PIEZO2: variants seen among roughly 807,000 people sequenced by gnomAD.
PIEZO2 encodes the protein piezo-type mechanosensitive ion channel component 2.
A neutral mutation model predicts 337.3 loss-of-function variants in PIEZO2; 172 were observed. The observed-to-expected ratio is 0.51, with a 90% CI of 0.45 to 0.58. The LOEUF is 0.58. Among genes scored for constraint, PIEZO2 ranks in the 20% least tolerant of loss-of-function variants. The pLI, the probability that PIEZO2 is intolerant of heterozygous loss-of-function variation, is 0.00. For missense variants in PIEZO2, 3,028 were observed against 3,391.3 expected (o/e 0.89, Z 2.66); for synonymous variants, 1,251 against 1,228.5 (o/e 1.02, Z -0.38).
chr18:11,097,115 G>C lies in PIEZO2; in HGVS notation c.65-30893C>G, dbSNP rs2039283160. ...CATCCTCTCCTTGGAAATTGTCCCT[G>C]CTCCATTTTCGGCAAACAGGTGTCT... On this transcript the variant is annotated intron_variant, in intron 1 of 55. Coordinates refer to ENST00000674853, the MANE Select transcript of PIEZO2 (RefSeq NM_001378183.1). This position sits in a 1 kb window ranked among gnomAD's most constrained non-coding sequence, Gnocchi z 5.0. 6.6e-6 allele frequency among the ~76,000 whole-genome samples: 1 copy of C among 152,100 alleles called. No individual in the cohort carries two copies. Among genetic ancestry groups the C allele is most frequent in the Non-Finnish European group, 1.5e-5 (1 of 68,026 alleles).
At chr18:11,100,924 A>T (rs1214353003) in intron 1 of PIEZO2, among the ~76,000 whole-genome samples, 1 of 152,134 alleles carries the variant, frequency 6.6e-6, no homozygotes, top group African/African-American at 2.4e-5. Flanking sequence ...TGCTTCAACA[A>T]ATGCCTTTCA....
Position 10,856,550 on chromosome 18 carries a change from C to A in PIEZO2, c.703+451G>T, listed in dbSNP as rs2041710225. Among the ~76,000 whole-genome samples the A allele has an allele frequency of 6.6e-6, 1 of 152,152 alleles. No individual in the cohort carries two copies. Among genetic ancestry groups the A allele is most frequent in the African/African-American group, 2.4e-5 (1 of 41,414 alleles). On this transcript the variant is annotated intron_variant, in intron 6 of 55. Transcript: ENST00000674853. This position sits in a 1 kb window ranked among gnomAD's most constrained non-coding sequence, Gnocchi z 4.7. ...AGCGTCTGTGCTGGAAGATTACAAT[C>A]TAACTTAGGAAGAAAAATAGTCTAT...
chr18:10,801,338 G>A, intron 10 of PIEZO2, 52 bp downstream of exon 10: 1 of 1,393,010 alleles, frequency 7.2e-7, no homozygotes, highest in African/African-American at 1.4e-5. Context: ...TCCATTTGTT[G>A]CCTTTACATC....
At position 10,697,769 on chromosome 18, in the gene PIEZO2, G is replaced by C; in HGVS notation, c.6806C>G (p.Ala2269Gly). ...TCACTTCTTTATGGTAAAGGCTTTT[G>C]CTTTGATTAAATGTTCTTGAAGCTT... is the stretch of plus-strand genomic sequence containing the variant. ...MEKLQEHLIK[A>G]KAFTIKKTLE... The change falls in exon 45 of 56, where the codon GCA becomes GGA. Residue 2269 changes from alanine (A) to glycine (G), a missense_variant. Ala to Gly is a moderately conservative substitution (Grantham distance 60, BLOSUM62 0). Coordinates refer to ENST00000674853, the MANE Select transcript of PIEZO2 (RefSeq NM_001378183.1). The C allele has an allele frequency of 6.2e-7, 1 of 1,614,122 alleles. No homozygotes were observed. Among genetic ancestry groups the C allele is most frequent in the Non-Finnish European group, 8.5e-7 (1 of 1,180,026 alleles).
At position 11,106,110 on chromosome 18, in the gene PIEZO2, C is replaced by T. The variant is rs183758538; in HGVS notation, c.65-39888G>A. 8.2e-3 allele frequency among the ~76,000 whole-genome samples: 1,250 copies of T among 151,994 alleles called. 18 individuals carry two copies. The highest frequency in any genetic ancestry group is 0.028 in the African/African-American group (1,159 of 41,464). On this transcript the variant is annotated intron_variant, in intron 1 of 55. Coordinates refer to ENST00000674853, the MANE Select transcript of PIEZO2 (RefSeq NM_001378183.1). ...TTTATTTTATTTTATTTTTTTGAGACGGCATCTGGCTCTGTCGCCCAGGCT... is the reference window on the plus strand; with the variant it reads ...TTTATTTTATTTTATTTTTTTGAGATGGCATCTGGCTCTGTCGCCCAGGCT...
chr18:10,915,104 G>T (rs1428212013), intron 3 of PIEZO2, among the ~76,000 whole-genome samples: 2 of 138,056 alleles, frequency 1.4e-5, no homozygotes, highest in Non-Finnish European at 3.1e-5. Flanking sequence ...GCTACATGGG[G>T]TCAAGATGGA....
chr18:10,799,688 C>T (rs2039736341), intron 11 of PIEZO2, among the ~76,000 whole-genome samples: 1 of 152,130 alleles, frequency 6.6e-6, no homozygotes, highest in South Asian at 2.1e-4. Flanking sequence ...TTAAAAAACA[C>T]TCAGCCGGGT....
rs1438691842 is a variant in PIEZO2, at chr18:10,707,411, T to G, written c.5588+864A>C. On this transcript the variant is annotated intron_variant, in intron 40 of 55. Transcript: ENST00000674853. The surrounding 1 kb of genome is among the most constrained non-coding windows in gnomAD (Gnocchi z 4.2). ...CCAAGGCATTCCCATCAATGCCAGG[T>G]GTCAGCATACTGCAGGGATGCACCG... Among the ~76,000 whole-genome samples, 1 of 152,046 alleles carries G rather than the reference T, an allele frequency of 6.6e-6. No individual in the cohort carries two copies. Among genetic ancestry groups the G allele is most frequent in the Non-Finnish European group, 1.5e-5 (1 of 67,996 alleles).
chr18:10,725,232 A>T, intron 36 of PIEZO2: 1 of 1,568,946 alleles, frequency 6.4e-7, no homozygotes, highest in Non-Finnish European at 8.8e-7. Flanking sequence ...GAACCTACGA[A>T]CACTTTGAGG....
chr18:10,717,395 C>T (rs2036053565), intron 37 of PIEZO2, among the ~76,000 whole-genome samples: 1 of 152,084 alleles, frequency 6.6e-6, no homozygotes, highest in Non-Finnish European at 1.5e-5. Flanking sequence ...CCTTTCGTGC[C>T]AGCAGAGGGG....
intron 7 of PIEZO2, among the ~76,000 whole-genome samples, chr18:10,831,080 T>A (rs879444560): frequency 2.0e-5 from 3 of 152,178 alleles, no homozygotes; most frequent in Non-Finnish European, 4.4e-5. Context: ...CTGGTGGGAA[T>A]GTCAATTAGC....
chr18:11,081,867 C>T (rs528340506), intron 1 of PIEZO2, among the ~76,000 whole-genome samples: 1 of 151,016 alleles, frequency 6.6e-6, no homozygotes, highest in Non-Finnish European at 1.5e-5. Flanking sequence ...TTAAGCGATT[C>T]TCCTGTCTCA....
intron 49 of PIEZO2, among the ~76,000 whole-genome samples, chr18:10,685,765 C>T (rs1377405530): frequency 2.0e-5 from 3 of 152,242 alleles, no homozygotes; most frequent in Admixed American, 6.5e-5. Context: ...CGGCGTCTCA[C>T]TGTCAGTTTC....
rs887409551 is a variant in PIEZO2, at chr18:10,761,015, A to C, written c.3346T>G (p.Ser1116Ala). ...RGRNNLTAPVSRTIFHDITRL... is the reference protein window; with the variant it reads ...RGRNNLTAPVARTIFHDITRL... ...GTAATGTCATGAAAGATAGTTCTAG[A>C]CACAGGGGCCGTCAGGTTATTTCGA... Residue 1116 changes from serine (S) to alanine (A), a missense_variant, in exon 24 of 56, where the codon TCT (serine) becomes GCT (alanine). Ser to Ala is a moderately conservative substitution (Grantham distance 99, BLOSUM62 1). This residue lies in a region of PIEZO2 where 1,925 missense variants were observed against 2,051.9 expected (regional missense o/e 0.94). Coordinates refer to ENST00000674853, the MANE Select transcript of PIEZO2 (RefSeq NM_001378183.1). 1.3e-6 allele frequency: 2 copies of C among 1,536,380 alleles called. No homozygotes were observed. The highest frequency in any genetic ancestry group is 2.7e-5 in the African/African-American group (2 of 73,054).
chr18:11,077,861 T>C lies in PIEZO2; in HGVS notation c.65-11639A>G, dbSNP rs1360103300. ...TGTGTTACAAAGTAGAGCATAAGTG[T>C]CATTTTTCATTTTCACAAACAAGAG... On this transcript the variant is annotated intron_variant, in intron 1 of 55. Transcript: ENST00000674853. The surrounding 1 kb of genome is among the most constrained non-coding windows in gnomAD (Gnocchi z 4.8). Among the ~76,000 whole-genome samples, 2 of 152,162 alleles carry C rather than the reference T, an allele frequency of 1.3e-5. No individual in the cohort carries two copies. Among genetic ancestry groups the C allele is most frequent in the Non-Finnish European group, 2.9e-5 (2 of 68,042 alleles).
chr18:10,684,867 T>C (rs758160549), intron 49 of PIEZO2, among the ~76,000 whole-genome samples: 14 of 152,162 alleles, frequency 9.2e-5, no homozygotes, highest in Non-Finnish European at 1.0e-4. Context: ...TTTGAGATAG[T>C]GTCTTGCTCT....
chr18:11,015,303 C>T (rs1339861369), intron 2 of PIEZO2, among the ~76,000 whole-genome samples: 1 of 147,132 alleles, frequency 6.8e-6, no homozygotes, highest in African/African-American at 2.5e-5. Flanking sequence ...GGCACTTCAC[C>T]CAGATCCGGG....
intron 1 of PIEZO2, among the ~76,000 whole-genome samples, chr18:11,089,766 G>A (rs2039016432): frequency 6.6e-6 from 1 of 152,160 alleles, no homozygotes; most frequent in African/African-American, 2.4e-5. Flanking sequence ...AAAAGGAGAC[G>A]CCACATCTGC....
In PIEZO2 at chr18:11,104,939, A is replaced by T. The variant is rs1055439879; in HGVS notation, c.65-38717T>A. Among the ~76,000 whole-genome samples, 1 of 152,144 alleles carries T rather than the reference A, an allele frequency of 6.6e-6. No homozygotes were observed. Among genetic ancestry groups the T allele is most frequent in the African/African-American group, 2.4e-5 (1 of 41,424 alleles). On this transcript the variant is annotated intron_variant, in intron 1 of 55. Coordinates refer to ENST00000674853, the MANE Select transcript of PIEZO2 (RefSeq NM_001378183.1). This position sits in a 1 kb window ranked among gnomAD's most constrained non-coding sequence, Gnocchi z 4.6. ...GTACAATGTTTGGTGCTGGGATCCC[A>T]GCAGGGCCACAGCGTGTCCTCTCTG...
Sources: allele counts gnomAD v4.1 joint callset (sites outside exome capture counted in the v4.1 genomes callset), GRCh38; gene constraint gnomAD v4.1.1; regional missense constraint gnomAD v4.1.1; non-coding constraint Gnocchi (gnomAD v3.1); transcripts MANE v1.5; gene names NCBI Gene and HGNC (gene_info 2026-07-23, HGNC 2026-07-21).